The following NAV2 variants were observed in gnomAD, a reference collection of about 807,000 sequenced individuals.
NAV2 encodes helicase, APC down-regulated 1.
A neutral mutation model predicts 223.2 loss-of-function variants in NAV2; 54 were observed. The ratio of observed to expected loss-of-function variants is 0.24; its 90% CI spans 0.19 to 0.30. NAV2 has a LOEUF of 0.30. NAV2 is among the 10% of genes least tolerant of loss of function. The pLI is 1.00. For synonymous variants in NAV2, 1,279 were observed against 1,239.3 expected, an observed-to-expected ratio of 1.03 and a Z score of -0.67; for missense variants, 2,806 against 3,147.5, an observed-to-expected ratio of 0.89 and a Z score of 2.60.
upstream of NAV2, chr11:19,712,606 G>C (rs2049946514): frequency 6.6e-6 from 1 of 152,206 alleles, no homozygotes; most frequent in African/African-American, 2.4e-5. Context: ...GGAACGCAGG[G>C]GTGTGGGCCC....
chr11:19,490,630 A>G (rs998766018), intron 1 of NAV2, among the ~76,000 whole-genome samples: 5 of 152,218 alleles, frequency 3.3e-5, no homozygotes, highest in Non-Finnish European at 5.9e-5. Context: ...CACCACATCT[A>G]TAGTTACTTC....
At chr11:19,965,201 T>A (rs1358537434) in intron 10 of NAV2, among the ~76,000 whole-genome samples, 1 of 152,158 alleles carries the variant, frequency 6.6e-6, no homozygotes, top group East Asian at 1.9e-4. Flanking sequence ...GCGGGGCCAC[T>A]GGTAACTTGC....
At chr11:19,434,130 C>T (rs750342366) in intron 1 of NAV2, among the ~76,000 whole-genome samples, 3 of 150,464 alleles carry the variant, frequency 2.0e-5, no homozygotes, top group Non-Finnish European at 3.0e-5. Flanking sequence ...AAGAGGAGAA[C>T]ATGGATATTG....
chr11:19,660,978 G>A (rs970145197), intron 1 of NAV2, among the ~76,000 whole-genome samples: 2 of 152,070 alleles, frequency 1.3e-5, no homozygotes, highest in African/African-American at 4.8e-5. Flanking sequence ...ATTTTTAAGT[G>A]TGCAGTTCAG....
At chr11:20,105,009 C>T (rs2061921476) in intron 34 of NAV2, 1 of 152,994 alleles carries the variant, frequency 6.5e-6, no homozygotes, top group African/African-American at 2.4e-5. Context: ...CCCAGACATC[C>T]CCTCCTCTAA....
chr11:19,777,775 T>C, intron 1 of NAV2: 1 of 440,522 alleles, frequency 2.3e-6, no homozygotes, highest in Non-Finnish European at 4.6e-6. Flanking sequence ...TATCTCTCCG[T>C]CCCTTCCACC....
At chr11:19,924,126 G>T (rs2044515303) in intron 6 of NAV2, among the ~76,000 whole-genome samples, 1 of 152,090 alleles carries the variant, frequency 6.6e-6, no homozygotes, top group Non-Finnish European at 1.5e-5. Flanking sequence ...TTTTTAAGGT[G>T]TTATCATAGG....
chr11:19,473,308 T>A (rs2042020708), intron 1 of NAV2, among the ~76,000 whole-genome samples: 1 of 148,318 alleles, frequency 6.7e-6, no homozygotes, highest in Non-Finnish European at 1.5e-5. Context: ...ATGGTACAGA[T>A]GGATGAGTAC....
At chr11:19,980,899 G>GT (rs1565691639) in intron 10 of NAV2, among the ~76,000 whole-genome samples, 1 of 152,074 alleles carries the variant, frequency 6.6e-6, no homozygotes, top group Non-Finnish European at 1.5e-5. Context: ...TCTGTCTCTG[G>GT]TGCTGTGCCG....
intron 2 of NAV2, 96 bp downstream of exon 2, chr11:19,832,697 G>A (rs2060011616): frequency 4.3e-6 from 4 of 933,140 alleles, no homozygotes; most frequent in Non-Finnish European, 6.9e-6. Flanking sequence ...CTCTCAGAAG[G>A]CAGCTTTCTG....
At chr11:19,589,717 G>T (rs1345819858) in intron 1 of NAV2, among the ~76,000 whole-genome samples, 1 of 152,194 alleles carries the variant, frequency 6.6e-6, no homozygotes. Context: ...CAGAATGGGG[G>T]CCTAGAAGCC....
At chr11:19,363,567 A>T (rs1022146429) in intron 1 of NAV2, among the ~76,000 whole-genome samples, 2 of 152,200 alleles carry the variant, frequency 1.3e-5, no homozygotes, top group African/African-American at 4.8e-5. Context: ...AATACTTCTG[A>T]TACCAAATGT....
chr11:19,419,044 T>C (rs1850500921), intron 1 of NAV2, among the ~76,000 whole-genome samples: 1 of 152,080 alleles, frequency 6.6e-6, no homozygotes, highest in African/African-American at 2.4e-5. Context: ...TACAGACCTG[T>C]ATATATGTGA....
intron 1 of NAV2, among the ~76,000 whole-genome samples, chr11:19,393,877 A>G (rs2133238426): frequency 7.1e-6 from 1 of 140,470 alleles, no homozygotes; most frequent in South Asian, 2.3e-4. Flanking sequence ...TTCTAAAAAG[A>G]GATTTTATAA....
At chr11:19,681,832 A>G (rs1014856819) in intron 1 of NAV2, among the ~76,000 whole-genome samples, 2 of 152,184 alleles carry the variant, frequency 1.3e-5, no homozygotes, top group Non-Finnish European at 2.9e-5. Flanking sequence ...ACACATCTGA[A>G]TGGAATTCCT....
intron 1 of NAV2, among the ~76,000 whole-genome samples, chr11:19,758,403 G>A (rs1355931252): frequency 6.6e-6 from 1 of 152,246 alleles, no homozygotes; most frequent in East Asian, 1.9e-4. Context: ...CGCATAAAAT[G>A]TATGGGCAGT....
intron 22 of NAV2, among the ~76,000 whole-genome samples, chr11:20,071,106 G>GCCCCCCCCCCCC (rs35206561): frequency 1.7e-4 from 22 of 128,356 alleles, no homozygotes; most frequent in East Asian, 5.0e-4. Flanking sequence ...CCCTCCCCTA[G>GCCCCCCCCCCCC]CCCCCCACCC....
intron 11 of NAV2, among the ~76,000 whole-genome samples, chr11:20,009,380 G>T (rs2053378207): frequency 6.6e-6 from 1 of 152,162 alleles, no homozygotes; most frequent in Non-Finnish European, 1.5e-5. Flanking sequence ...CATGAAGGCA[G>T]GTGCTCGTTG....
intron 1 of NAV2, among the ~76,000 whole-genome samples, chr11:19,823,915 A>T (rs1029697600): frequency 6.1e-5 from 9 of 148,566 alleles, no homozygotes; most frequent in Admixed American, 2.6e-4. Flanking sequence ...TTAAAGTATT[A>T]AAAAAAAGAC....
Sources: allele counts gnomAD v4.1 joint callset (sites outside exome capture counted in the v4.1 genomes callset), GRCh38; gene constraint gnomAD v4.1.1; transcripts MANE v1.5; gene names NCBI Gene and HGNC (gene_info 2026-07-23, HGNC 2026-07-21).